FYTTD1: variants seen among roughly 807,000 people sequenced by gnomAD.
The protein encoded by FYTTD1 is UAP56-interacting factor.
Under a neutral mutation model 40.9 loss-of-function variants are expected in FYTTD1, and 22 were observed. The ratio of observed to expected loss-of-function variants is 0.54; its 90% CI spans 0.38 to 0.77. The LOEUF is 0.77. FYTTD1 is among the 30% of genes least tolerant of loss of function. FYTTD1 has a pLI of 0.00. For missense variants in FYTTD1, 351 were observed against 392.2 expected (o/e 0.90, Z 0.89); for synonymous variants, 140 against 137.9 (o/e 1.01, Z -0.10).
In FYTTD1 at chr3:197,754,905, A is replaced by G. The variant is rs533637037; in HGVS notation, c.104-1521A>G. Among the ~76,000 whole-genome samples, 18 of 152,276 alleles carry G rather than the reference A, an allele frequency of 1.2e-4. No individual in the cohort carries two copies. The South Asian group carries it at 3.1e-3, about 26-fold the overall frequency. The stretch of plus-strand genomic sequence containing the variant: ...TGGTCTCGAACTCTTGGGCTGAAGC[A>G]TTCTCCCATCTCACCTCTAAAAGTG... On this transcript the variant is annotated intron_variant, in intron 1 of 8. Transcript: ENST00000241502.
chr3:197,760,747 A>G (rs1170804499), intron 2 of FYTTD1, among the ~76,000 whole-genome samples: 1 of 152,032 alleles, frequency 6.6e-6, no homozygotes, highest in African/African-American at 2.4e-5. Context: ...CAGTGGTAGA[A>G]TGTGTGGAGT....
At chr3:197,769,663 T>C (rs1036045402) in intron 3 of FYTTD1, among the ~76,000 whole-genome samples, 4 of 152,222 alleles carry the variant, frequency 2.6e-5, no homozygotes, top group African/African-American at 9.7e-5. Flanking sequence ...CTGTCATAAC[T>C]TCCCCACTTT....
In FYTTD1 at chr3:197,785,120, T is replaced by C. The variant is rs1730126279; in HGVS notation, c.*3211T>C. On this transcript the variant is annotated 3_prime_UTR_variant, in exon 9 of 9. Coordinates refer to ENST00000241502, the MANE Select transcript of FYTTD1 (RefSeq NM_032288.7). ...TTCTACCAGTGATGGTTATACTTTA[T>C]TACTTTGCTATTTGGGTTAGGTAGA... 1 of 152,250 alleles carries C rather than the reference T, an allele frequency of 6.6e-6. No homozygotes were observed. Among genetic ancestry groups the C allele is most frequent in the Non-Finnish European group, 1.5e-5 (1 of 68,040 alleles). The allele number at this position is 152,250 out of a possible 1,614,324, so 9.4% of individuals were successfully genotyped here.
chr3:197,753,112 T>A lies in FYTTD1; in HGVS notation c.103+3038T>A, dbSNP rs78851703. 4.8e-3 allele frequency among the ~76,000 whole-genome samples: 730 copies of A among 152,308 alleles called. 18 individuals are homozygous for A. Among genetic ancestry groups the A allele is most frequent in the Admixed American group, 0.036 (552 of 15,290 alleles). On this transcript the variant is annotated intron_variant, in intron 1 of 8. Transcript: ENST00000241502. ...AGCAGTCCCTCTATTGCCTTTCTTTTGGTGAGAATTTTACAGAAATGGGAT... is the reference window on the plus strand; with the variant it reads ...AGCAGTCCCTCTATTGCCTTTCTTTAGGTGAGAATTTTACAGAAATGGGAT...
chr3:197,779,064 T>C (rs988327043), intron 8 of FYTTD1, among the ~76,000 whole-genome samples: 4 of 152,198 alleles, frequency 2.6e-5, no homozygotes, highest in Non-Finnish European at 4.4e-5. Flanking sequence ...CTCACTATTA[T>C]CTGCTGTTCG....
intron 2 of FYTTD1, among the ~76,000 whole-genome samples, 168 bp downstream of exon 2, chr3:197,756,725 A>G (rs1316021125): frequency 6.6e-6 from 1 of 152,228 alleles, no homozygotes; most frequent in Admixed American, 6.5e-5. Flanking sequence ...AAATTTCAGT[A>G]GCCTTCAATA....
chr3:197,773,569 A>G (rs1729780750), intron 5 of FYTTD1, 70 bp downstream of exon 5: 3 of 861,124 alleles, frequency 3.5e-6, no homozygotes, highest in Non-Finnish European at 5.7e-6. Context: ...CTGAGCAGCC[A>G]CCTTTAGTAA....
chr3:197,755,749 A>G lies in FYTTD1; in HGVS notation c.104-677A>G, dbSNP rs554134104. On this transcript the variant is annotated intron_variant, in intron 1 of 8. Coordinates refer to ENST00000241502, the MANE Select transcript of FYTTD1 (RefSeq NM_032288.7). Reference sequence around the variant, plus strand: ...ATGATCCGCCCACCTCAGCCTCCCAAAGTGCTGGGATTATAGGTGTGAGTC... The same window carrying G: ...ATGATCCGCCCACCTCAGCCTCCCAGAGTGCTGGGATTATAGGTGTGAGTC... 1.8e-5 allele frequency: 28 copies of G among 1,517,402 alleles called. No homozygotes were observed. In the Middle Eastern group the frequency reaches 1.2e-3, roughly 64 times the overall value. The allele number at this position is 1,517,402 out of a possible 1,614,324, so 94.0% of individuals were successfully genotyped here.
chr3:197,763,613 C>CA (rs200408872), intron 2 of FYTTD1: 939 of 352,910 alleles, frequency 2.7e-3, no homozygotes, highest in East Asian at 6.5e-3. Flanking sequence ...CCCGTCTCTA[C>CA]AAAAAAAAAG....
intron 8 of FYTTD1, 55 bp downstream of exon 8, chr3:197,778,519 C>G (rs1729939243): frequency 7.8e-7 from 1 of 1,276,016 alleles, no homozygotes; most frequent in Non-Finnish European, 1.1e-6. Flanking sequence ...TTTTAATTAA[C>G]AAAGTATTTA....
At chr3:197,777,081 G>T in intron 7 of FYTTD1, 80 bp downstream of exon 7, 1 of 835,848 alleles carries the variant, frequency 1.2e-6, no homozygotes, top group Non-Finnish European at 2.0e-6. Context: ...CTTCTGCTCA[G>T]AGAATGATGT....
rs145253794 is a variant in FYTTD1 at position 197,751,865 on chromosome 3, AAATT to A, written c.103+1809_103+1812del. Reference sequence around the variant, plus strand: ...CAGGTCCTGGACTAAGCATTAAATTAAATTAATTAATTAATTAATTATTTGAGAC... The same window carrying A: ...CAGGTCCTGGACTAAGCATTAAATTAAATTAATTAATTAATTATTTGAGAC... On this transcript the variant is annotated intron_variant, in intron 1 of 8. Transcript: ENST00000241502. Among the ~76,000 whole-genome samples, 459 of 152,074 alleles carry A rather than the reference AAATT, an allele frequency of 3.0e-3. 14 individuals carry two copies. The East Asian group carries it at 0.068, about 23-fold the overall frequency.
At chr3:197,775,346 T>C (rs1729845680) in intron 6 of FYTTD1, among the ~76,000 whole-genome samples, 1 of 152,230 alleles carries the variant, frequency 6.6e-6, no homozygotes, top group African/African-American at 2.4e-5. Flanking sequence ...TTTAAAATTA[T>C]GACTACTTTT....
intron 1 of FYTTD1, 158 bp downstream of exon 1, chr3:197,750,232 C>T (rs1016702869): frequency 2.8e-5 from 23 of 822,630 alleles, no homozygotes; most frequent in African/African-American, 2.2e-4. Flanking sequence ...CAGCCGGGAG[C>T]GCAGGCTCGA....
intron 1 of FYTTD1, among the ~76,000 whole-genome samples, chr3:197,755,272 C>G (rs1003041102): frequency 1.3e-5 from 2 of 152,088 alleles, no homozygotes; most frequent in African/African-American, 4.8e-5. Flanking sequence ...TACTTTTAAA[C>G]TTATTTAGAA....
At position 197,770,121 on chromosome 3, in the gene FYTTD1, C is replaced by T. The variant is rs1729673644; in HGVS notation, c.385-11C>T. On this transcript the variant is annotated splice_polypyrimidine_tract_variant and intron_variant, in intron 3 of 8. Transcript: ENST00000241502. Reference sequence around the variant, plus strand: ...GCAATTTGATTAACATAATTTCTTGCCTTCTGATAGAATATAGAACAATAT... The same window carrying T: ...GCAATTTGATTAACATAATTTCTTGTCTTCTGATAGAATATAGAACAATAT... 1.3e-6 allele frequency: 2 copies of T among 1,490,492 alleles called. No individual in the cohort carries two copies. Among genetic ancestry groups the T allele is most frequent in the Non-Finnish European group, 1.9e-6 (2 of 1,077,144 alleles). The allele number at this position is 1,490,492 out of a possible 1,614,324, so 92.3% of individuals were successfully genotyped here. A position where few individuals can be genotyped will look rare whatever the true frequency, so the allele number is the denominator to read the frequency against.
chr3:197,762,870 G>A (rs1036064075), intron 2 of FYTTD1, among the ~76,000 whole-genome samples: 1 of 151,828 alleles, frequency 6.6e-6, no homozygotes, highest in African/African-American at 2.4e-5. Context: ...GCGACAGAGT[G>A]AGACTCCGTC....
chr3:197,767,017 T>A (rs1441947063), intron 2 of FYTTD1, among the ~76,000 whole-genome samples: 3 of 152,164 alleles, frequency 2.0e-5, no homozygotes, highest in African/African-American at 7.2e-5. Flanking sequence ...TTTTCTTATT[T>A]GTACTTTATG....
intron 6 of FYTTD1, 103 bp downstream of exon 6, chr3:197,774,313 A>G: frequency 1.0e-6 from 1 of 982,590 alleles, no homozygotes; most frequent in Non-Finnish European, 1.6e-6. Context: ...ATTGAAACCC[A>G]AAATAAAATT....
Sources: gnomAD v4.1 joint callset for allele counts (sites outside exome capture counted in the v4.1 genomes callset) on GRCh38, gnomAD v4.1.1 for gene constraint, MANE v1.5 for transcripts, NCBI Gene and HGNC (gene_info 2026-07-23, HGNC 2026-07-21) for gene names.